DPYSL5: variants seen among roughly 807,000 people sequenced by gnomAD.
DPYSL5 encodes dihydropyrimidinase like 5.
A neutral mutation model predicts 58.4 loss-of-function variants in DPYSL5; 9 were observed. That is an observed-to-expected ratio of 0.15 (90% CI 0.09 to 0.27). The LOEUF (loss-of-function observed/expected upper bound fraction) is 0.27, where lower values mean the gene tolerates loss of function less well. DPYSL5 is among the 10% of genes least tolerant of loss of function. DPYSL5 has a pLI of 1.00. For missense variants in DPYSL5, 499 were observed against 770.6 expected (o/e 0.65, Z 4.17); for synonymous variants, 293 against 301.9 (o/e 0.97, Z 0.31).
chr2:26,874,588 C>T (rs1663363962), intron 1 of DPYSL5, among the ~76,000 whole-genome samples: 1 of 152,218 alleles, frequency 6.6e-6, no homozygotes, highest in Non-Finnish European at 1.5e-5. Context: ...ATCTATCTTA[C>T]AGCAATACCA....
At chr2:26,922,899 G>A (rs955087168) in intron 2 of DPYSL5, among the ~76,000 whole-genome samples, 5 of 152,200 alleles carry the variant, frequency 3.3e-5, no homozygotes, top group African/African-American at 1.2e-4. Context: ...ACCACCCTCT[G>A]TTGGTTGCTT....
At chr2:26,856,906 A>T (rs1665892655) in intron 1 of DPYSL5, among the ~76,000 whole-genome samples, 1 of 147,868 alleles carries the variant, frequency 6.8e-6, no homozygotes, top group South Asian at 2.1e-4. Flanking sequence ...ATATATACAT[A>T]TATAATATAT....
intron 8 of DPYSL5, among the ~76,000 whole-genome samples, chr2:26,937,010 A>G (rs2148171396): frequency 6.6e-6 from 1 of 151,564 alleles, no homozygotes; most frequent in African/African-American, 2.4e-5. Flanking sequence ...GCAATACAAT[A>G]AAAGAAACAA....
chr2:26,915,072 C>G (rs182537401), intron 2 of DPYSL5, among the ~76,000 whole-genome samples: 13 of 152,138 alleles, frequency 8.5e-5, no homozygotes, highest in Non-Finnish European at 1.9e-4. Flanking sequence ...TCTTACCCAC[C>G]CTCTCCTCCT....
In DPYSL5 at chr2:26,948,919, A is replaced by G. The variant is rs1195830900; in HGVS notation, c.*1924A>G. 6.6e-6 allele frequency: 1 copy of G among 152,202 alleles called. No individual in the cohort carries two copies. Among genetic ancestry groups the G allele is most frequent in the Non-Finnish European group, 1.5e-5 (1 of 68,050 alleles). 9.4% of individuals were successfully genotyped at this position (152,202 alleles called of 1,614,324 possible). A position where few individuals can be genotyped will look rare whatever the true frequency, so the allele number is the denominator to read the frequency against. On this transcript the variant is annotated 3_prime_UTR_variant, in exon 13 of 13. Coordinates refer to ENST00000288699, the MANE Select transcript of DPYSL5 (RefSeq NM_020134.4). ...CTCTGTAGTGCTTTTCATGTATTCA[A>G]ACCACTTCCGTATATGACCTCTCAC...
intron 1 of DPYSL5, among the ~76,000 whole-genome samples, chr2:26,890,064 A>C (rs949018404): frequency 2.0e-5 from 3 of 152,184 alleles, no homozygotes; most frequent in African/African-American, 4.8e-5. Context: ...ATACTGGTGC[A>C]ATAGGCTTCC....
In DPYSL5 at chr2:26,917,820, T is replaced by C. The variant is rs150452590; in HGVS notation, c.262-7067T>C. On this transcript the variant is annotated intron_variant, in intron 2 of 12. Transcript: ENST00000288699. ...TTAAAAATTATTAAGAATTTCCAGA[T>C]GGTGACAGCAGAACATTAAAACAAG... 1.3e-4 allele frequency among the ~76,000 whole-genome samples: 20 copies of C among 152,134 alleles called. No individual in the cohort carries two copies. The East Asian group carries it at 3.7e-3, about 28-fold the overall frequency.
intron 1 of DPYSL5, among the ~76,000 whole-genome samples, chr2:26,884,997 A>G (rs1322281491): frequency 6.6e-6 from 1 of 152,048 alleles, no homozygotes; most frequent in Non-Finnish European, 1.5e-5. Context: ...TCAGGAGTTA[A>G]GAGACCAGCC....
rs888792727 is a variant in DPYSL5, at chr2:26,933,360, A to G, written c.790+27A>G. On this transcript the variant is annotated intron_variant, in intron 7 of 12. Coordinates refer to ENST00000288699, the MANE Select transcript of DPYSL5 (RefSeq NM_020134.4). The surrounding 1 kb of genome is among the most constrained non-coding windows in gnomAD (Gnocchi z 4.2). ...TGAGTCCATAGACTTGGCTGGACAG[A>G]GCAGGTCAAGTGGAGGGACTGGAGA... 1.2e-6 allele frequency: 2 copies of G among 1,608,040 alleles called. No homozygotes were observed. The highest frequency in any genetic ancestry group is 2.7e-5 in the African/African-American group (2 of 74,808).
intron 2 of DPYSL5, among the ~76,000 whole-genome samples, chr2:26,918,703 A>C (rs1347679331): frequency 6.6e-6 from 1 of 152,218 alleles, no homozygotes; most frequent in African/African-American, 2.4e-5. Flanking sequence ...TGTTCCCTCT[A>C]TAAAGATTCA....
At chr2:26,938,187 T>G (rs148015372) in intron 8 of DPYSL5, among the ~76,000 whole-genome samples, 1 of 152,320 alleles carries the variant, frequency 6.6e-6, no homozygotes, top group East Asian at 1.9e-4. Context: ...ACTACCGTCA[T>G]TCACAGCTGC....
chr2:26,934,751 G>A lies in DPYSL5; in HGVS notation c.947+17G>A. ...GCTGGCCAAGTAAGGCGTTTCAGCA[G>A]CACATTGCAGGGATGTGTACATCTT... is the stretch of plus-strand genomic sequence containing the variant. On this transcript the variant is annotated intron_variant, in intron 8 of 12. Coordinates refer to ENST00000288699, the MANE Select transcript of DPYSL5 (RefSeq NM_020134.4). The surrounding 1 kb of genome is among the most constrained non-coding windows in gnomAD (Gnocchi z 4.3). 1 of 1,613,696 alleles carries A rather than the reference G, an allele frequency of 6.2e-7. No individual in the cohort carries two copies. Among genetic ancestry groups the A allele is most frequent in the Non-Finnish European group, 8.5e-7 (1 of 1,179,724 alleles).
At chr2:26,931,723 C>A (rs759823319) in intron 6 of DPYSL5, 39 bp downstream of exon 6, 11 of 1,610,712 alleles carry the variant, frequency 6.8e-6, no homozygotes, top group Non-Finnish European at 9.3e-6. Flanking sequence ...TAGAAACCAA[C>A]CTTGGCCAGG....
chr2:26,896,030 G>A (rs900163984), intron 1 of DPYSL5, among the ~76,000 whole-genome samples: 22 of 151,540 alleles, frequency 1.5e-4, no homozygotes, highest in African/African-American at 2.2e-4. Context: ...CACCCACCTC[G>A]GCCTCCCAAA....
rs981839648 is a variant in DPYSL5, at chr2:26,883,039, T to C, written c.-4-15457T>C. Among the ~76,000 whole-genome samples, 21 of 152,318 alleles carry C rather than the reference T, an allele frequency of 1.4e-4. 1 individual carries two copies. The Middle Eastern group carries it at 0.014, about 99-fold the overall frequency. On this transcript the variant is annotated intron_variant, in intron 1 of 12. Transcript: ENST00000288699. Reference sequence around the variant, plus strand: ...TCTGATCTGCTTTGAGTCCATATTTTGATTGTAAGCATATTTGACATGTAT... The same window carrying C: ...TCTGATCTGCTTTGAGTCCATATTTCGATTGTAAGCATATTTGACATGTAT...
At chr2:26,931,201 G>GTATATATATATATATATATATATATA (rs1161770394) in intron 5 of DPYSL5, among the ~76,000 whole-genome samples, 6 of 54,554 alleles carry the variant, frequency 1.1e-4, no homozygotes, top group Non-Finnish European at 1.9e-4. Context: ...GTGTGTGTGT[G>GTATATATATATATATATATATATATA]TGTATATATA....
intron 1 of DPYSL5, among the ~76,000 whole-genome samples, chr2:26,853,836 A>G (rs1437628688): frequency 6.6e-6 from 1 of 152,074 alleles, no homozygotes; most frequent in East Asian, 1.9e-4. Flanking sequence ...CTTAAAGTCA[A>G]CCACCCAGCC....
chr2:26,923,996 A>T (rs1430465153), intron 2 of DPYSL5, among the ~76,000 whole-genome samples: 1 of 152,172 alleles, frequency 6.6e-6, no homozygotes, highest in East Asian at 1.9e-4. Flanking sequence ...TTTGTTTGGG[A>T]ACAACACATT....
In DPYSL5 at chr2:26,927,163, C is replaced by T. The variant is rs1664847810; in HGVS notation, c.421-90C>T. On this transcript the variant is annotated intron_variant, in intron 3 of 12. Coordinates refer to ENST00000288699, the MANE Select transcript of DPYSL5 (RefSeq NM_020134.4). This position sits in a 1 kb window ranked among gnomAD's most constrained non-coding sequence, Gnocchi z 4.3. The stretch of plus-strand genomic sequence containing the variant: ...CCGACAGACTGAGCTGGGGCAGGCC[C>T]CACATCTCCCCCATGCTGGGCCGGT... The T allele has an allele frequency of 7.3e-7, 1 of 1,378,916 alleles. No individual in the cohort carries two copies. Among genetic ancestry groups the T allele is most frequent in the Non-Finnish European group, 9.9e-7 (1 of 1,014,616 alleles). 85.4% of individuals were successfully genotyped at this position (1,378,916 alleles called of 1,614,324 possible).
Sources: gnomAD v4.1 joint callset for allele counts (sites outside exome capture counted in the v4.1 genomes callset) on GRCh38, gnomAD v4.1.1 for gene constraint, Gnocchi (gnomAD v3.1) non-coding constraint, MANE v1.5 for transcripts, NCBI Gene and HGNC (gene_info 2026-07-23, HGNC 2026-07-21) for gene names.